NOC4L: variants seen among roughly 807,000 people sequenced by gnomAD.
NOC4L encodes nucleolar complex protein 4 homolog.
Under a neutral mutation model 62.8 loss-of-function variants are expected in NOC4L, and 40 were observed. The observed-to-expected ratio is 0.64, with a 90% CI of 0.49 to 0.83. The LOEUF (loss-of-function observed/expected upper bound fraction) is 0.83. Ranked by LOEUF, NOC4L falls within the 40% of genes least tolerant of loss-of-function variation. The pLI, the probability that NOC4L is intolerant of heterozygous loss-of-function variation, is 0.00. For missense variants in NOC4L, 927 were observed against 701.9 expected, an observed-to-expected ratio of 1.32 and a Z score of -3.62; for synonymous variants, 433 against 299.8, an observed-to-expected ratio of 1.44 and a Z score of -4.59.
intron 10 of NOC4L, 81 bp downstream of exon 10, chr12:132,151,122 G>C: frequency 2.0e-6 from 3 of 1,469,120 alleles, no homozygotes; most frequent in Non-Finnish European, 2.8e-6. Flanking sequence ...CTGCCCCACG[G>C]GGTCCCCGCT....
chr12:132,146,310 CTT>C (rs977511173), intron 3 of NOC4L: 23 of 456,092 alleles, frequency 5.0e-5, no homozygotes, highest in African/African-American at 3.4e-4. Flanking sequence ...AGTTCGTTCT[CTT>C]TGTGGCTGAG....
chr12:132,146,269 T>C (rs1661174524), intron 3 of NOC4L: 1 of 456,112 alleles, frequency 2.2e-6, no homozygotes, highest in Non-Finnish European at 4.4e-6. Flanking sequence ...TCATACGGTA[T>C]GTGGCTTCTT....
At chr12:132,144,664 G>A (rs894662515) in intron 1 of NOC4L, 59 bp downstream of exon 1, 32 of 1,459,074 alleles carry the variant, frequency 2.2e-5, no homozygotes, top group Non-Finnish European at 2.7e-5. Flanking sequence ...CTTGAATGGG[G>A]GGCTGCGGCG....
intron 3 of NOC4L, 106 bp from the exon 4 acceptor site, chr12:132,147,175 T>A: frequency 3.6e-6 from 3 of 836,328 alleles, no homozygotes; most frequent in South Asian, 4.5e-5. Context: ...GGCCGCCCTT[T>A]TCTCAGCTCT....
Position 132,147,338 on chromosome 12 carries a change from G to A in NOC4L, c.403G>A (p.Glu135Lys), listed in dbSNP as rs1897762515. The change falls in exon 4 of 15, where the codon GAG (glutamate) becomes AAG (lysine). Residue 135 changes from glutamate to lysine, a missense_variant. Transcript: ENST00000330579. ...FVQLEGAHPLEKSKWEGNYLF... is the reference protein window; with the variant it reads ...FVQLEGAHPLKKSKWEGNYLF... ...GCAGCTGGAAGGAGCGCACCCCCTG[G>A]AGAAGTCCAAGTGGGAAGGCAACTA... 1 of 1,596,428 alleles carries A rather than the reference G, an allele frequency of 6.3e-7. No individual in the cohort carries two copies.
At chr12:132,148,514 G>C (rs1897811615) in intron 7 of NOC4L, 95 bp from the exon 8 acceptor site, 1 of 1,374,518 alleles carries the variant, frequency 7.3e-7, no homozygotes, top group Admixed American at 2.1e-5. Flanking sequence ...GCAGGCTTGT[G>C]TTGGCTCAGG....
Position 132,148,855 on chromosome 12 carries a change from C to A in NOC4L, c.861C>A (p.Pro287=), listed in dbSNP as rs372984039. The change falls in exon 9 of 15, where the codon CCC becomes CCA. Residue 287 remains proline, a synonymous_variant. Transcript: ENST00000330579. The part of the protein sequence containing the change: ...HDAILPQLAQ[P]TLMIDFLTRA... ...CCATCCTGCCGCAGCTGGCGCAGCC[C>A]ACGCTCATGATCGACTTCCTCACCC... The A allele has an allele frequency of 6.2e-7, 1 of 1,601,882 alleles. No individual in the cohort carries two copies. Among genetic ancestry groups the A allele is most frequent in the East Asian group, 2.2e-5 (1 of 44,760 alleles).
intron 1 of NOC4L, 36 bp from the exon 2 acceptor site, chr12:132,144,818 T>G: frequency 2.5e-6 from 4 of 1,581,622 alleles, no homozygotes; most frequent in Non-Finnish European, 3.4e-6. Flanking sequence ...AGGTGACAGT[T>G]GGCGGCCGGG....
At chr12:132,152,228 G>A (rs1173116267) in intron 14 of NOC4L, 31 bp downstream of exon 14, 3 of 1,602,504 alleles carry the variant, frequency 1.9e-6, no homozygotes, top group Non-Finnish European at 2.6e-6. Flanking sequence ...GCGAGGGTCT[G>A]GGCCACGGGG....
chr12:132,146,146 C>G, intron 3 of NOC4L: 1 of 431,456 alleles, frequency 2.3e-6, no homozygotes, highest in Non-Finnish European at 4.7e-6. Context: ...CAGTTACCAT[C>G]GCTTCCATAT....
rs558132241 is a variant in NOC4L at position 132,146,388 on chromosome 12, C to T, written c.345+723C>T. The T allele has an allele frequency of 4.4e-5, 20 of 451,914 alleles. No individual in the cohort carries two copies. In the East Asian group the frequency reaches 1.3e-3, roughly 29 times the overall value. The allele number at this position is 451,914 out of a possible 1,614,324, so 28.0% of individuals were successfully genotyped here. A position where few individuals can be genotyped will look rare whatever the true frequency, so the allele number is the denominator to read the frequency against. On this transcript the variant is annotated intron_variant, in intron 3 of 14. Transcript: ENST00000330579. ...CTCGTAGGTTGCTGGGCATTTGCGT[C>T]GTTTCCACCTTTGGCTGTTACGAAC...
chr12:132,151,802 C>G lies in NOC4L; in HGVS notation c.1299C>G (p.Ser433Arg), dbSNP rs1263468551. The change falls in exon 13 of 15, where the codon AGC (serine) becomes AGG (arginine). Residue 433 changes from serine (S) to arginine (R), a missense_variant. Transcript: ENST00000330579. ...CAGCCCAGAGCCGGGCCTTGGAGAG[C>G]TCCCTGTGGGAGCTTCAGGTGAGGG... is the stretch of plus-strand genomic sequence containing the variant. ...EDPAQSRALESSLWELQALQR... is the reference protein window; with the variant it reads ...EDPAQSRALERSLWELQALQR... 6.2e-7 allele frequency: 1 copy of G among 1,611,946 alleles called. No homozygotes were observed. Among genetic ancestry groups the G allele is most frequent in the African/African-American group, 1.3e-5 (1 of 74,902 alleles).
In NOC4L at chr12:132,152,336, A is replaced by T. The variant is rs376286727; in HGVS notation, c.1486A>T (p.Ile496Phe). The T allele has an allele frequency of 1.3e-6, 2 of 1,568,674 alleles. No homozygotes were observed. The highest frequency in any genetic ancestry group is 1.7e-6 in the Non-Finnish European group (2 of 1,156,094). Residue 496 changes from isoleucine to phenylalanine, a missense_variant, in exon 15 of 15, where the codon ATC (isoleucine) becomes TTC (phenylalanine). Coordinates refer to ENST00000330579, the MANE Select transcript of NOC4L (RefSeq NM_024078.3). ...KGPEPVPLEF[I>F]PAQGLLGRPG... ...GCCCGAGCCGGTGCCACTGGAGTTT[A>T]TCCCAGCCCAGGGCCTGCTGGGACG...
chr12:132,151,435 G>A lies in NOC4L; in HGVS notation c.1074-49G>A, dbSNP rs202113658. 3.7e-6 allele frequency: 6 copies of A among 1,600,928 alleles called. No individual in the cohort carries two copies. In the East Asian group the frequency reaches 1.1e-4, roughly 30 times the overall value. ...TGCAGCCTGGGGCCAGGGGAGGGTG[G>A]TGGGGGCTAGCAGTCCGGGCCCTGT... On this transcript the variant is annotated intron_variant, in intron 11 of 14. Transcript: ENST00000330579.
intron 1 of NOC4L, 33 bp from the exon 2 acceptor site, chr12:132,144,821 C>T (rs989261495): frequency 1.9e-6 from 3 of 1,582,124 alleles, no homozygotes; most frequent in Non-Finnish European, 2.6e-6. Flanking sequence ...TGACAGTTGG[C>T]GGCCGGGCAC....
chr12:132,148,163 G>GCACCCCACA, intron 7 of NOC4L, 57 bp downstream of exon 7: 1 of 1,563,166 alleles, frequency 6.4e-7, no homozygotes, highest in Non-Finnish European at 8.8e-7. Flanking sequence ...TGTGTGGGGT[G>GCACCCCACA]CATGTGAGAC....
chr12:132,148,863 T>A lies in NOC4L; in HGVS notation c.869T>A (p.Met290Lys). 6.2e-7 allele frequency: 1 copy of A among 1,600,716 alleles called. No homozygotes were observed. The change falls in exon 9 of 15, where the codon ATG becomes AAG. Residue 290 changes from methionine to lysine, a missense_variant. Met to Lys is a moderately conservative substitution (Grantham distance 95). Transcript: ENST00000330579. ...ILPQLAQPTL[M>K]IDFLTRACDL... The stretch of plus-strand genomic sequence containing the variant: ...CCGCAGCTGGCGCAGCCCACGCTCA[T>A]GATCGACTTCCTCACCCGCGCCTGC...
At chr12:132,152,224 G>T in intron 14 of NOC4L, 27 bp downstream of exon 14, 1 of 1,606,616 alleles carries the variant, frequency 6.2e-7, no homozygotes, top group South Asian at 1.1e-5. Context: ...GGGTGCGAGG[G>T]TCTGGGCCAC....
chr12:132,151,849 C>T (rs1055563340), intron 13 of NOC4L, 29 bp downstream of exon 13: 8 of 1,599,654 alleles, frequency 5.0e-6, no homozygotes, highest in South Asian at 1.1e-5. Context: ...CACCCTGGGG[C>T]CTCCCGAGCC....
Sources: allele counts gnomAD v4.1 joint callset, GRCh38; gene constraint gnomAD v4.1.1; transcripts MANE v1.5; gene names NCBI Gene and HGNC (gene_info 2026-07-23, HGNC 2026-07-21).